Variants in DNAAF11 observed in about 807,000 individuals in gnomAD.
DNAAF11 encodes the protein dynein axonemal assembly factor 11.
Under a neutral mutation model 60.8 loss-of-function variants are expected in DNAAF11, and 45 were observed. The ratio of observed to expected loss-of-function variants is 0.74; its 90% CI spans 0.58 to 0.95. DNAAF11 has a LOEUF of 0.95. Ranked by LOEUF, DNAAF11 falls within the 40% of genes least tolerant of loss-of-function variation. The pLI is 0.00. For synonymous variants in DNAAF11, 191 were observed against 183.5 expected (o/e 1.04, Z -0.33); for missense variants, 546 against 546.2 (o/e 1.00, Z 0.00).
chr8:132,675,695 G>A, upstream of DNAAF11: 2 of 464,616 alleles, frequency 4.3e-6, no homozygotes, highest in Non-Finnish European at 7.7e-6. Context: ...CAGTGAAGGG[G>A]CTCAGCAGAC....
intron 5 of DNAAF11, among the ~76,000 whole-genome samples, chr8:132,626,394 G>C (rs1330086049): frequency 6.6e-6 from 1 of 152,076 alleles, no homozygotes; most frequent in Admixed American, 6.6e-5. Flanking sequence ...ATTTTTCATG[G>C]ATAACTTCTG....
chr8:132,590,538 G>A (rs1264941416), intron 10 of DNAAF11, among the ~76,000 whole-genome samples: 1 of 152,092 alleles, frequency 6.6e-6, no homozygotes, highest in Non-Finnish European at 1.5e-5. Context: ...ATCCTGTACT[G>A]TATACATTTT....
chr8:132,632,200 C>T (rs1043781610), intron 5 of DNAAF11, among the ~76,000 whole-genome samples: 4 of 151,960 alleles, frequency 2.6e-5, no homozygotes, highest in Non-Finnish European at 5.9e-5. Flanking sequence ...ATACTTAATA[C>T]TTTCACTGTA....
At chr8:132,686,539 A>C in the DNAAF11 span, among the ~76,000 whole-genome samples, 1 of 152,106 alleles carries the variant, frequency 6.6e-6, no homozygotes, top group Admixed American at 6.6e-5. Context: ...GCATTGCGGA[A>C]ACTGGATTAT....
intron 3 of DNAAF11, among the ~76,000 whole-genome samples, chr8:132,650,519 A>C (rs34595966): frequency 0.06 from 9,061 of 152,248 alleles, 371 homozygotes; most frequent in South Asian, 0.083. Context: ...AAGTACAATA[A>C]AAAATAAAAA....
chr8:132,611,954 TAA>T (rs1818712036), intron 8 of DNAAF11, among the ~76,000 whole-genome samples: 1 of 152,232 alleles, frequency 6.6e-6, no homozygotes. Flanking sequence ...TATCACTCAT[TAA>T]ATCAGAAGCT....
intron 7 of DNAAF11, among the ~76,000 whole-genome samples, chr8:132,616,841 C>A (rs1158553592): frequency 6.6e-6 from 1 of 152,122 alleles, no homozygotes; most frequent in Non-Finnish European, 1.5e-5. Context: ...GGAGAGTGAG[C>A]AAAACAAAGG....
At chr8:132,649,508 T>C (rs1174069825) in intron 3 of DNAAF11, among the ~76,000 whole-genome samples, 2 of 152,086 alleles carry the variant, frequency 1.3e-5, no homozygotes, top group Non-Finnish European at 2.9e-5. Flanking sequence ...AAAGCCAAAA[T>C]TGACAAATGG....
At chr8:132,574,765 GC>G (rs1372451455) in intron 11 of DNAAF11, among the ~76,000 whole-genome samples, 3 of 152,140 alleles carry the variant, frequency 2.0e-5, no homozygotes, top group African/African-American at 4.8e-5. Context: ...CCATGCTAAG[GC>G]CTTTACTTGT....
intron 10 of DNAAF11, among the ~76,000 whole-genome samples, chr8:132,596,065 C>A (rs1816987311): frequency 2.0e-5 from 3 of 152,068 alleles, no homozygotes; most frequent in Admixed American, 2.0e-4. Context: ...ATGGGAGGAG[C>A]AGGTCTGCAG....
chr8:132,647,194 T>G (rs2130673572), intron 3 of DNAAF11, among the ~76,000 whole-genome samples: 1 of 152,234 alleles, frequency 6.6e-6, no homozygotes, highest in African/African-American at 2.4e-5. Context: ...AGAAATTCAC[T>G]CAAAACAGCT....
At chr8:132,673,466 C>A (rs1825383220) in intron 1 of DNAAF11, among the ~76,000 whole-genome samples, 1 of 152,128 alleles carries the variant, frequency 6.6e-6, no homozygotes, top group African/African-American at 2.4e-5. Context: ...CAAGCTATGC[C>A]CATGAACAAA....
chr8:132,609,130 T>G (rs774500157), intron 10 of DNAAF11, among the ~76,000 whole-genome samples: 3 of 152,136 alleles, frequency 2.0e-5, no homozygotes, highest in Non-Finnish European at 4.4e-5. Flanking sequence ...GTATGATTAA[T>G]AGAAACCAAT....
chr8:132,661,698 G>C (rs767905501), intron 1 of DNAAF11, 71 bp from the exon 2 acceptor site: 3 of 1,499,754 alleles, frequency 2.0e-6, no homozygotes, highest in African/African-American at 2.7e-5. Flanking sequence ...TGTTGTTAAC[G>C]CATTTGTGTT....
chr8:132,689,080 G>A, the DNAAF11 span, among the ~76,000 whole-genome samples: 1 of 152,064 alleles, frequency 6.6e-6, no homozygotes, highest in Non-Finnish European at 1.5e-5. Flanking sequence ...GGAGGTATTT[G>A]TGCCTGGGTG....
rs534927376 is a variant in DNAAF11 at position 132,588,608 on chromosome 8, A to G, written c.1141-4829T>C. On this transcript the variant is annotated intron_variant, in intron 10 of 11. Coordinates refer to ENST00000620350, the MANE Select transcript of DNAAF11 (RefSeq NM_012472.6). ...AAAAGTAGAATTGCTAGATATATGC[A>G]TAGACTACTATGGAAGCCCAAGGGA... 1.7e-4 allele frequency among the ~76,000 whole-genome samples: 26 copies of G among 152,346 alleles called. 1 individual carries two copies. Among genetic ancestry groups the G allele is most frequent in the African/African-American group, 6.3e-4 (26 of 41,588 alleles).
intron 1 of DNAAF11, among the ~76,000 whole-genome samples, chr8:132,663,441 C>G (rs1180244502): frequency 1.3e-5 from 2 of 152,202 alleles, no homozygotes; most frequent in Non-Finnish European, 2.9e-5. Flanking sequence ...TGATCTAGAT[C>G]TGTAATTTAC....
chr8:132,694,313 A>G, the DNAAF11 span, among the ~76,000 whole-genome samples: 1 of 152,166 alleles, frequency 6.6e-6, no homozygotes, highest in Non-Finnish European at 1.5e-5. Context: ...AATTAAGGTA[A>G]GATCATCAGT....
Position 132,608,872 on chromosome 8 carries a change from A to G in DNAAF11, c.1140+1294T>C, listed in dbSNP as rs145997100. 2.1e-3 allele frequency among the ~76,000 whole-genome samples: 324 copies of G among 152,336 alleles called. 1 individual carries two copies. The highest frequency in any genetic ancestry group is 7.5e-3 in the African/African-American group (313 of 41,582). On this transcript the variant is annotated intron_variant, in intron 10 of 11. Coordinates refer to ENST00000620350, the MANE Select transcript of DNAAF11 (RefSeq NM_012472.6). Reference sequence around the variant, plus strand: ...TGTATTTGCTATTTTATTGCCTCCAAGTAAAAATACATAATTGAGTACCTA... The same window carrying G: ...TGTATTTGCTATTTTATTGCCTCCAGGTAAAAATACATAATTGAGTACCTA...
Sources: gnomAD v4.1 joint callset for allele counts (sites outside exome capture counted in the v4.1 genomes callset) on GRCh38, gnomAD v4.1.1 for gene constraint, MANE v1.5 for transcripts, NCBI Gene and HGNC (gene_info 2026-07-23, HGNC 2026-07-21) for gene names.